The following FREM1 variants were observed in gnomAD, a reference collection of about 807,000 sequenced individuals.
FREM1 encodes the protein FRAS1-related extracellular matrix protein 1.
In FREM1, 220 loss-of-function variants were observed where a neutral mutation model predicts 210.1. The observed-to-expected ratio is 1.05, with a 90% CI of 0.94 to 1.17. The LOEUF is 1.17. FREM1 is among the 50% of genes most tolerant of loss of function. The pLI is 0.00. For missense variants in FREM1, 3,454 were observed against 2,675.5 expected (o/e 1.29, Z -6.42); for synonymous variants, 1,189 against 980.2 (o/e 1.21, Z -3.98).
chr9:14,833,918 C>T (rs1195217840), intron 10 of FREM1, among the ~76,000 whole-genome samples: 4 of 152,110 alleles, frequency 2.6e-5, no homozygotes, highest in Admixed American at 2.6e-4. Context: ...AGAGGAGGTG[C>T]CACAGACCCC....
intron 3 of FREM1, among the ~76,000 whole-genome samples, chr9:14,860,816 C>CATATATATACGTATATAT (rs1554707531): frequency 4.2e-5 from 3 of 72,162 alleles, no homozygotes; most frequent in Non-Finnish European, 8.6e-5. Flanking sequence ...TACATATATA[C>CATATATATACGTATATAT]ACATATATAC....
At chr9:14,898,167 T>G (rs1838081331) in intron 1 of FREM1, among the ~76,000 whole-genome samples, 2 of 152,150 alleles carry the variant, frequency 1.3e-5, no homozygotes, top group South Asian at 4.1e-4. Context: ...GTTCCATAAT[T>G]TCTTTGAGCA....
At chr9:14,878,238 C>G (rs1834132941) in intron 1 of FREM1, among the ~76,000 whole-genome samples, 1 of 152,136 alleles carries the variant, frequency 6.6e-6, no homozygotes, top group Non-Finnish European at 1.5e-5. Flanking sequence ...TCTCTCAGCT[C>G]ATCTCCTGTT....
rs1032434103 is a variant in FREM1 at position 14,857,404 on chromosome 9, C to A, written c.828+149G>T. 33 of 759,092 alleles carry A rather than the reference C, an allele frequency of 4.3e-5. 2 individuals carry two copies. In the Middle Eastern group the frequency reaches 3.7e-3, roughly 84 times the overall value. 47.0% of individuals were successfully genotyped at this position (759,092 alleles called of 1,614,324 possible). On this transcript the variant is annotated intron_variant, in intron 5 of 36. Transcript: ENST00000380880. ...TTTAAGCACTTACTAGCAGAACCAA[C>A]AAGCCTGCAGTTCCAATGAGTCGCT...
intron 27 of FREM1, among the ~76,000 whole-genome samples, chr9:14,767,044 T>A (rs1463153213): frequency 1.3e-5 from 2 of 152,214 alleles, no homozygotes; most frequent in African/African-American, 2.4e-5. Flanking sequence ...CGTTACACAT[T>A]TCTTTTGTTT....
Position 14,842,364 on chromosome 9 carries a change from G to A in FREM1, c.1690C>T (p.Pro564Ser), listed in dbSNP as rs776444143. The change falls in exon 9 of 37, where the codon CCT becomes TCT. Residue 564 changes from proline to serine, a missense_variant. By Grantham distance (74) the Pro-to-Ser change is moderately conservative. Transcript: ENST00000380880. ...DDYIFFNITK[P>S]PQAGEIMKKP... is the part of the protein sequence containing the mutation. Reference sequence around the variant, plus strand: ...TTCATGATCTCCCCAGCCTGTGGAGGCTTTGTGATATTGAAGAAGATGTAG... The same window carrying A: ...TTCATGATCTCCCCAGCCTGTGGAGACTTTGTGATATTGAAGAAGATGTAG... 1 of 1,609,124 alleles carries A rather than the reference G, an allele frequency of 6.2e-7. No homozygotes were observed. The highest frequency in any genetic ancestry group is 2.2e-5 in the East Asian group (1 of 44,816).
chr9:14,773,495 G>T (rs555969458), intron 25 of FREM1, among the ~76,000 whole-genome samples: 2 of 152,268 alleles, frequency 1.3e-5, no homozygotes, highest in South Asian at 4.1e-4. Flanking sequence ...TGCTGGTGGG[G>T]TCAGTCACTT....
intron 2 of FREM1, among the ~76,000 whole-genome samples, chr9:14,866,015 G>A (rs753943976): frequency 8.5e-5 from 13 of 152,082 alleles, no homozygotes; most frequent in Non-Finnish European, 1.8e-4. Flanking sequence ...ATCCCATACC[G>A]ACTTTAGAGG....
At chr9:14,796,667 T>C (rs1278355829) in intron 21 of FREM1, among the ~76,000 whole-genome samples, 1 of 152,174 alleles carries the variant, frequency 6.6e-6, no homozygotes, top group African/African-American at 2.4e-5. Context: ...AGTGAGTCAG[T>C]TCTCACAAGA....
Position 14,776,004 on chromosome 9 carries a change from G to C in FREM1, c.4642C>G (p.Gln1548Glu). 1.2e-6 allele frequency: 2 copies of C among 1,614,022 alleles called. No individual in the cohort carries two copies. The highest frequency in any genetic ancestry group is 1.7e-6 in the Non-Finnish European group (2 of 1,179,874). ...PAENLTFLLV[Q>E]LPQHGQLYLW... is the part of the protein sequence containing the mutation. ...TAGAGCTGGCCATGCTGGGGGAGCT[G>C]AACCAAGAGGAAGGTGAGGTTCTCC... Residue 1548 changes from glutamine to glutamate, a missense_variant, in exon 25 of 37, where the codon CAG (glutamine) becomes GAG (glutamate). Transcript: ENST00000380880.
intron 10 of FREM1, among the ~76,000 whole-genome samples, chr9:14,833,884 A>G (rs1824036029): frequency 6.6e-6 from 1 of 152,210 alleles, no homozygotes; most frequent in Non-Finnish European, 1.5e-5. Flanking sequence ...AACTTCTGGT[A>G]GCATGGGACT....
At chr9:14,823,927 G>A in intron 12 of FREM1, 98 bp downstream of exon 12, 1 of 575,348 alleles carries the variant, frequency 1.7e-6, no homozygotes, top group East Asian at 3.0e-5. Flanking sequence ...CTTTGTGGAT[G>A]TCAAAGACCA....
At chr9:14,803,438 C>T (rs1191723306) in intron 19 of FREM1, among the ~76,000 whole-genome samples, 1 of 150,378 alleles carries the variant, frequency 6.6e-6, no homozygotes, top group Non-Finnish European at 1.5e-5. Flanking sequence ...TGGCTCACTG[C>T]ACACTCACCC....
At chr9:14,885,516 C>G (rs1219313661) in intron 1 of FREM1, among the ~76,000 whole-genome samples, 1 of 152,154 alleles carries the variant, frequency 6.6e-6, no homozygotes, top group Non-Finnish European at 1.5e-5. Context: ...AATTCCTGGG[C>G]TCAAGCAAGC....
intron 28 of FREM1, 83 bp downstream of exon 28, chr9:14,759,689 A>C: frequency 7.5e-7 from 1 of 1,327,674 alleles, no homozygotes; most frequent in South Asian, 1.8e-5. Flanking sequence ...GGTCACTCTG[A>C]ATTTTTCTAA....
intron 1 of FREM1, among the ~76,000 whole-genome samples, chr9:14,908,989 C>G (rs1404188651): frequency 6.6e-6 from 1 of 152,132 alleles, no homozygotes. Flanking sequence ...CAAGCTTTAC[C>G]TAGAGTCAGG....
rs1301799641 is a variant in FREM1, at chr9:14,820,345, C to CG, written c.2338-904dup. On this transcript the variant is annotated intron_variant, in intron 13 of 36. Coordinates refer to ENST00000380880, the MANE Select transcript of FREM1 (RefSeq NM_001379081.2). ...GCAGATACAGTGGGGTACCAAATCA[C>CG]GGGCTCTGAGGACCCCTCCCAGGTG... Among the ~76,000 whole-genome samples the CG allele has an allele frequency of 2.6e-5, 4 of 152,256 alleles. No individual in the cohort carries two copies. The East Asian group carries it at 7.7e-4, about 29-fold the overall frequency.
chr9:14,898,466 G>A (rs140652177), intron 1 of FREM1, among the ~76,000 whole-genome samples: 2 of 152,232 alleles, frequency 1.3e-5, no homozygotes, highest in Admixed American at 1.3e-4. Context: ...ATGCAGCCGG[G>A]TGTGGTGGCT....
intron 10 of FREM1, among the ~76,000 whole-genome samples, chr9:14,827,086 T>A (rs1336758546): frequency 1.3e-5 from 2 of 152,168 alleles, no homozygotes; most frequent in Non-Finnish European, 2.9e-5. Flanking sequence ...TGGAAGAATT[T>A]GGAGAAGTAG....
Sources: allele counts gnomAD v4.1 joint callset (sites outside exome capture counted in the v4.1 genomes callset), GRCh38; gene constraint gnomAD v4.1.1; transcripts MANE v1.5; gene names NCBI Gene and HGNC (gene_info 2026-07-23, HGNC 2026-07-21).